The following GRIK2 variants were observed in gnomAD, a reference collection of about 807,000 sequenced individuals.
The protein encoded by GRIK2 is glutamate receptor ionotropic, kainate 2.
Under a neutral mutation model 100.3 loss-of-function variants are expected in GRIK2, and 32 were observed. The ratio of observed to expected loss-of-function variants is 0.32; its 90% CI spans 0.24 to 0.43. GRIK2 has a LOEUF of 0.43. Ranked by LOEUF, GRIK2 falls within the 20% of genes least tolerant of loss-of-function variation. GRIK2 has a pLI of 1.00. For synonymous variants in GRIK2, 417 were observed against 389.4 expected (o/e 1.07, Z -0.83); for missense variants, 843 against 1,114.9 (o/e 0.76, Z 3.47).
At chr6:102,007,773 G>A (rs1478468284) in intron 14 of GRIK2, among the ~76,000 whole-genome samples, 1 of 151,976 alleles carries the variant, frequency 6.6e-6, no homozygotes, top group African/African-American at 2.4e-5. Flanking sequence ...ATTCACTCTG[G>A]GCTGGGTCTA....
intron 12 of GRIK2, among the ~76,000 whole-genome samples, chr6:101,909,699 TGTGTG>T (rs1261649217): frequency 6.7e-6 from 1 of 148,816 alleles, no homozygotes; most frequent in African/African-American, 2.5e-5. Flanking sequence ...AAAAAAATAA[TGTGTG>T]TATGTGTGTA....
At chr6:101,701,543 G>A (rs944539243) in intron 7 of GRIK2, among the ~76,000 whole-genome samples, 3 of 151,998 alleles carry the variant, frequency 2.0e-5, no homozygotes, top group Admixed American at 6.6e-5. Flanking sequence ...AAAAGGAAAA[G>A]GGAAGTGAAT....
At chr6:101,535,527 T>G (rs1775648596) in intron 2 of GRIK2, among the ~76,000 whole-genome samples, 2 of 151,746 alleles carry the variant, frequency 1.3e-5, no homozygotes, top group Non-Finnish European at 3.0e-5. Context: ...GGCTGATCAT[T>G]TTTTAATTAA....
intron 7 of GRIK2, among the ~76,000 whole-genome samples, chr6:101,788,733 G>C (rs1333675693): frequency 6.6e-6 from 1 of 152,106 alleles, no homozygotes; most frequent in Non-Finnish European, 1.5e-5. Flanking sequence ...CCCAGTAATG[G>C]GATGGCTGGG....
At chr6:101,519,709 G>T (rs967430683) in intron 2 of GRIK2, among the ~76,000 whole-genome samples, 3 of 151,964 alleles carry the variant, frequency 2.0e-5, no homozygotes, top group Non-Finnish European at 2.9e-5. Flanking sequence ...GAGAAATTAT[G>T]AACCATTGCC....
At chr6:102,022,667 AT>A (rs566335588) in intron 14 of GRIK2, among the ~76,000 whole-genome samples, 111 of 151,394 alleles carry the variant, frequency 7.3e-4, no homozygotes, top group African/African-American at 1.6e-3. Flanking sequence ...TGTATTATTG[AT>A]TTTTTTTCTG....
chr6:101,738,948 G>C (rs1775853334), intron 7 of GRIK2, among the ~76,000 whole-genome samples: 1 of 152,162 alleles, frequency 6.6e-6, no homozygotes, highest in Admixed American at 6.5e-5. Context: ...GCAGGAGCAA[G>C]GGTTCTAAAG....
At chr6:101,700,517 A>G (rs891431221) in intron 7 of GRIK2, among the ~76,000 whole-genome samples, 6 of 152,138 alleles carry the variant, frequency 3.9e-5, no homozygotes. Context: ...CTTGCTAAAT[A>G]TCATGCAATT....
chr6:101,458,587 T>C (rs894513110), intron 2 of GRIK2, among the ~76,000 whole-genome samples: 2 of 152,196 alleles, frequency 1.3e-5, no homozygotes, highest in African/African-American at 4.8e-5. Context: ...GCACTGCAGA[T>C]ACAAAACTCC....
At chr6:101,570,642 C>A (rs1489790334) in intron 2 of GRIK2, among the ~76,000 whole-genome samples, 1 of 152,096 alleles carries the variant, frequency 6.6e-6, no homozygotes, top group African/African-American at 2.4e-5. Context: ...ATCGATAGAA[C>A]CACTAATTTG....
chr6:101,861,659 T>C (rs771543354), intron 11 of GRIK2, among the ~76,000 whole-genome samples: 10 of 152,110 alleles, frequency 6.6e-5, no homozygotes, highest in Non-Finnish European at 1.3e-4. Flanking sequence ...TGAAAATTAC[T>C]CTTAATATTA....
intron 14 of GRIK2, among the ~76,000 whole-genome samples, chr6:102,003,857 A>G (rs1795073778): frequency 6.6e-6 from 1 of 151,800 alleles, no homozygotes; most frequent in South Asian, 2.1e-4. Context: ...ACTAGAAGTT[A>G]ATTTTAAAAA....
intron 7 of GRIK2, among the ~76,000 whole-genome samples, chr6:101,757,659 A>G (rs571378484): frequency 2.6e-5 from 4 of 152,206 alleles, no homozygotes; most frequent in Admixed American, 6.5e-5. Flanking sequence ...GGCTTCCTAC[A>G]TGAGTAATTT....
intron 2 of GRIK2, among the ~76,000 whole-genome samples, chr6:101,613,551 T>TA (rs1310210965): frequency 6.6e-6 from 1 of 151,752 alleles, no homozygotes; most frequent in Non-Finnish European, 1.5e-5. Flanking sequence ...GGGATACTTG[T>TA]AAAAAAATTT....
chr6:101,868,417 T>C (rs1013821970), intron 11 of GRIK2, among the ~76,000 whole-genome samples: 4 of 151,808 alleles, frequency 2.6e-5, no homozygotes, highest in African/African-American at 9.7e-5. Context: ...GTAATTTAAA[T>C]AGTAAATTTA....
At chr6:101,767,791 T>C (rs893060027) in intron 7 of GRIK2, among the ~76,000 whole-genome samples, 3 of 152,164 alleles carry the variant, frequency 2.0e-5, no homozygotes, top group African/African-American at 7.2e-5. Flanking sequence ...TATATTATTT[T>C]ATGAGTATGG....
At chr6:101,841,893 A>G (rs1783528501) in intron 10 of GRIK2, among the ~76,000 whole-genome samples, 1 of 152,154 alleles carries the variant, frequency 6.6e-6, no homozygotes, top group Non-Finnish European at 1.5e-5. Flanking sequence ...TATCTAACTG[A>G]AAAGAAGCTT....
chr6:101,793,458 T>G (rs1195070638), intron 7 of GRIK2, among the ~76,000 whole-genome samples: 1 of 152,138 alleles, frequency 6.6e-6, no homozygotes, highest in East Asian at 1.9e-4. Flanking sequence ...CTGTTGGAGT[T>G]TGCTAGAGGA....
At chr6:101,987,649 T>C (rs1198171118) in intron 14 of GRIK2, among the ~76,000 whole-genome samples, 2 of 150,250 alleles carry the variant, frequency 1.3e-5, no homozygotes, top group African/African-American at 2.4e-5. Context: ...GACAATAATA[T>C]ATAAGTATAT....
Sources: allele counts gnomAD v4.1 joint callset (sites outside exome capture counted in the v4.1 genomes callset), GRCh38; gene constraint gnomAD v4.1.1; transcripts MANE v1.5; gene names NCBI Gene and HGNC (gene_info 2026-07-23, HGNC 2026-07-21).